FOXP1: variants seen among roughly 807,000 people sequenced by gnomAD.
The protein encoded by FOXP1 is forkhead box P1, also known as forkhead box protein P1.
In FOXP1, 15 loss-of-function variants were observed where a neutral mutation model predicts 98.2. That is an observed-to-expected ratio of 0.15 (90% CI 0.10 to 0.24). FOXP1 has a LOEUF of 0.24. FOXP1 is among the 10% of genes least tolerant of loss of function. The probability of loss-of-function intolerance (pLI) is 1.00; values close to 1 mark genes in which losing one functional copy is unlikely to be tolerated. For synonymous variants in FOXP1, 371 were observed against 314.5 expected, an observed-to-expected ratio of 1.18 and a Z score of -1.90; for missense variants, 633 against 848.5, an observed-to-expected ratio of 0.75 and a Z score of 3.15.
intron 4 of FOXP1, among the ~76,000 whole-genome samples, chr3:71,309,245 T>C (rs1458515415): frequency 2.0e-5 from 3 of 152,164 alleles, no homozygotes; most frequent in East Asian, 1.9e-4. Context: ...TTTGCAAAAA[T>C]TCTTTCCCTG....
At chr3:71,253,002 C>T (rs2068329317) in intron 5 of FOXP1, among the ~76,000 whole-genome samples, 1 of 152,172 alleles carries the variant, frequency 6.6e-6, no homozygotes, top group Non-Finnish European at 1.5e-5. Flanking sequence ...CAGCAGCATC[C>T]ACAATGCAGC....
chr3:71,484,192 G>A lies in FOXP1; in HGVS notation c.-168+9234C>T, dbSNP rs150713777. 3.0e-3 allele frequency among the ~76,000 whole-genome samples: 456 copies of A among 152,338 alleles called. 4 individuals carry two copies. Among genetic ancestry groups the A allele is most frequent in the Admixed American group, 0.021 (323 of 15,310 alleles). Reference sequence around the variant, plus strand: ...TTATAACAGCGTGGAGAGATTGACAGGAAATGACTGAGTGTAATGGCTCCA... The same window carrying A: ...TTATAACAGCGTGGAGAGATTGACAAGAAATGACTGAGTGTAATGGCTCCA... On this transcript the variant is annotated intron_variant, in intron 3 of 20. Transcript: ENST00000649528.
chr3:71,173,729 G>A lies in FOXP1; in HGVS notation c.180+24473C>T, dbSNP rs537672907. On this transcript the variant is annotated intron_variant, in intron 6 of 20. Transcript: ENST00000649528. ...ACAATTAGATGTGGAGATGAGGGCT[G>A]AAGTCATCTCACCAGGGATTGCTGG... Among the ~76,000 whole-genome samples the A allele has an allele frequency of 3.3e-5, 5 of 152,292 alleles. No homozygotes were observed. In the East Asian group the frequency reaches 7.7e-4, roughly 24 times the overall value.
intron 13 of FOXP1, among the ~76,000 whole-genome samples, chr3:70,991,339 T>C (rs1158954980): frequency 6.6e-6 from 1 of 152,142 alleles, no homozygotes; most frequent in South Asian, 2.1e-4. Flanking sequence ...CCTCTTCTAT[T>C]AGCCATGGCC....
chr3:71,532,806 C>T (rs2043964953), intron 2 of FOXP1, among the ~76,000 whole-genome samples: 2 of 152,180 alleles, frequency 1.3e-5, no homozygotes, highest in Admixed American at 1.3e-4. Context: ...TAAGCAACAA[C>T]TAAGTTTACA....
At chr3:71,082,390 A>C in intron 7 of FOXP1, among the ~76,000 whole-genome samples, 2 of 152,000 alleles carry the variant, frequency 1.3e-5, no homozygotes, top group Non-Finnish European at 2.9e-5. Context: ...GTTTGTAAAC[A>C]ACACACGTTC....
intron 3 of FOXP1, among the ~76,000 whole-genome samples, chr3:71,442,156 G>A (rs555094948): frequency 1.3e-5 from 2 of 152,266 alleles, no homozygotes; most frequent in African/African-American, 4.8e-5. Context: ...CTTTTGTGGA[G>A]CTTGACCATA....
chr3:71,541,779 C>T (rs1487481596), intron 2 of FOXP1, among the ~76,000 whole-genome samples: 2 of 152,136 alleles, frequency 1.3e-5, no homozygotes, highest in Admixed American at 1.3e-4. Flanking sequence ...ATTAGAAAGT[C>T]CATACTGTAC....
At chr3:71,182,316 A>G (rs1239662970) in intron 6 of FOXP1, among the ~76,000 whole-genome samples, 1 of 152,166 alleles carries the variant, frequency 6.6e-6, no homozygotes, top group Non-Finnish European at 1.5e-5. Context: ...CCTATGCAAA[A>G]AATAAATCTT....
At chr3:71,563,096 GGTGT>G (rs2046657029) in intron 2 of FOXP1, among the ~76,000 whole-genome samples, 1 of 152,132 alleles carries the variant, frequency 6.6e-6, no homozygotes, top group Admixed American at 6.5e-5. Context: ...ACTGCAGAGG[GGTGT>G]GTGTATGTGT....
intron 6 of FOXP1, among the ~76,000 whole-genome samples, chr3:71,128,486 G>A (rs768447395): frequency 6.6e-6 from 1 of 152,124 alleles, no homozygotes; most frequent in Non-Finnish European, 1.5e-5. Context: ...TAGACTCTCT[G>A]TATTACAGCA....
rs570650271 is a variant in FOXP1 at position 71,146,770 on chromosome 3, A to G, written c.181-34133T>C. ...AATAGTGAGACTCTGAGGCAGCAACATGGCTAGAACATAGAATTAATATCT... is the reference window on the plus strand; with the variant it reads ...AATAGTGAGACTCTGAGGCAGCAACGTGGCTAGAACATAGAATTAATATCT... On this transcript the variant is annotated intron_variant, in intron 6 of 20. Coordinates refer to ENST00000649528, the MANE Select transcript of FOXP1 (RefSeq NM_001349338.3). Among the ~76,000 whole-genome samples the G allele has an allele frequency of 8.6e-4, 131 of 152,358 alleles. 1 individual carries two copies. The highest frequency in any genetic ancestry group is 2.4e-4 in the Non-Finnish European group (16 of 68,036).
chr3:71,428,473 A>C (rs1488662490), intron 3 of FOXP1, among the ~76,000 whole-genome samples: 3 of 152,280 alleles, frequency 2.0e-5, no homozygotes, highest in Admixed American at 2.0e-4. Flanking sequence ...TTGTTTTGGC[A>C]AAACAGCTTG....
intron 6 of FOXP1, among the ~76,000 whole-genome samples, chr3:71,169,243 G>A (rs1338402554): frequency 6.6e-6 from 1 of 152,164 alleles, no homozygotes; most frequent in Non-Finnish European, 1.5e-5. Context: ...CCTGTGTTTT[G>A]CCTGGCAGTA....
intron 2 of FOXP1, among the ~76,000 whole-genome samples, chr3:71,549,085 A>G (rs1326966530): frequency 6.6e-6 from 1 of 152,222 alleles, no homozygotes; most frequent in Non-Finnish European, 1.5e-5. Flanking sequence ...TTGACTTCTG[A>G]GCTGCTAAGG....
chr3:71,254,453 A>T (rs1401535289), intron 5 of FOXP1, among the ~76,000 whole-genome samples: 1 of 152,224 alleles, frequency 6.6e-6, no homozygotes, highest in Non-Finnish European at 1.5e-5. Flanking sequence ...GGCTGGCCTC[A>T]AAGAGCTCTG....
chr3:70,958,197 A>C lies in FOXP1; in HGVS notation c.*1050T>G. 6.4e-6 allele frequency: 1 copy of C among 156,088 alleles called. No homozygotes were observed. Among genetic ancestry groups the C allele is most frequent in the Middle Eastern group, 7.6e-4 (1 of 1,318 alleles). The allele number at this position is 156,088 out of a possible 1,614,324, so 9.7% of individuals were successfully genotyped here. ...GGTGGCATTTATTAATGGTTGCTGC[A>C]AAAAAAAAAAAAGAAAAGAAAAGAA... On this transcript the variant is annotated 3_prime_UTR_variant, in exon 21 of 21. Transcript: ENST00000649528.
intron 5 of FOXP1, among the ~76,000 whole-genome samples, chr3:71,245,607 A>C (rs2067679203): frequency 8.4e-6 from 1 of 118,898 alleles, no homozygotes; most frequent in Non-Finnish European, 1.6e-5. Flanking sequence ...TTACTTGGTC[A>C]TTTAGAAGTA....
Position 71,566,545 on chromosome 3 carries a change from C to A in FOXP1, c.-298+15004G>T, listed in dbSNP as rs569489191. 2.6e-5 allele frequency among the ~76,000 whole-genome samples: 4 copies of A among 152,308 alleles called. No individual in the cohort carries two copies. The South Asian group carries it at 8.3e-4, about 32-fold the overall frequency. ...GAAAATTAAGGTTGTTGTGAAAAGGCAATCCAACGGGCAATTTGGAAAATA... is the reference window on the plus strand; with the variant it reads ...GAAAATTAAGGTTGTTGTGAAAAGGAAATCCAACGGGCAATTTGGAAAATA... On this transcript the variant is annotated intron_variant, in intron 2 of 20. Coordinates refer to ENST00000649528, the MANE Select transcript of FOXP1 (RefSeq NM_001349338.3).
Sources: gnomAD v4.1 joint callset for allele counts (sites outside exome capture counted in the v4.1 genomes callset) on GRCh38, gnomAD v4.1.1 for gene constraint, MANE v1.5 for transcripts, NCBI Gene and HGNC (gene_info 2026-07-23, HGNC 2026-07-21) for gene names.